The following PTPRO variants were observed in gnomAD, a reference collection of about 807,000 sequenced individuals.
PTPRO encodes the protein protein tyrosine phosphatase receptor type O, also known as receptor-type tyrosine-protein phosphatase O.
PTPRO carries 62 observed loss-of-function variants against 145.2 expected under a neutral mutation model. The ratio of observed to expected loss-of-function variants is 0.43; its 90% CI spans 0.35 to 0.53. PTPRO has a LOEUF of 0.53. Among genes scored for constraint, PTPRO ranks in the 20% least tolerant of loss-of-function variants. The probability of loss-of-function intolerance (pLI) is 0.01; values close to 1 mark genes in which losing one functional copy is unlikely to be tolerated. For synonymous variants in PTPRO, 565 were observed against 514.7 expected (o/e 1.10, Z -1.32); for missense variants, 1,345 against 1,482.7 (o/e 0.91, Z 1.53).
At chr12:15,516,710 T>C in intron 8 of PTPRO, 53 bp from the exon 9 acceptor site, 1 of 1,500,812 alleles carries the variant, frequency 6.7e-7, no homozygotes, top group Non-Finnish European at 9.3e-7. Context: ...AGGCCATTGC[T>C]AAGACATTCC....
At chr12:15,534,625 A>G (rs1369237857) in intron 12 of PTPRO, among the ~76,000 whole-genome samples, 2 of 152,204 alleles carry the variant, frequency 1.3e-5, no homozygotes, top group Non-Finnish European at 2.9e-5. Context: ...GGTCTGAATA[A>G]CAAGAAGAAC....
intron 1 of PTPRO, among the ~76,000 whole-genome samples, chr12:15,452,915 T>C (rs1056344093): frequency 6.6e-6 from 1 of 152,062 alleles, no homozygotes; most frequent in Non-Finnish European, 1.5e-5. Flanking sequence ...TGGAAAAAAA[T>C]CTCATTTATT....
At chr12:15,417,843 A>ATGC (rs1940025821) in intron 1 of PTPRO, among the ~76,000 whole-genome samples, 1 of 151,842 alleles carries the variant, frequency 6.6e-6, no homozygotes, top group East Asian at 1.9e-4. Flanking sequence ...TCCTTTATGC[A>ATGC]TGCACTCAAA....
At chr12:15,363,603 G>T (rs1215825097) in intron 1 of PTPRO, among the ~76,000 whole-genome samples, 2 of 151,898 alleles carry the variant, frequency 1.3e-5, no homozygotes, top group African/African-American at 4.8e-5. Flanking sequence ...AAGCACCAGA[G>T]AATTTAGAAG....
chr12:15,593,125 C>A (rs552379764), intron 25 of PTPRO, among the ~76,000 whole-genome samples: 5 of 152,280 alleles, frequency 3.3e-5, no homozygotes, highest in Admixed American at 2.6e-4. Context: ...GATTAGGTGT[C>A]CATGTGTGAT....
Position 15,501,613 on chromosome 12 carries a change from C to T in PTPRO, c.662-7C>T, listed in dbSNP as rs201166661. ...ATACTTGAAAATGAAAATTCTCTCTCTTACAGCCCCTTATCCACCTCAAAA... is the reference window on the plus strand; with the variant it reads ...ATACTTGAAAATGAAAATTCTCTCTTTTACAGCCCCTTATCCACCTCAAAA... On this transcript the variant is annotated splice_region_variant and splice_polypyrimidine_tract_variant and intron_variant, in intron 4 of 26. Coordinates refer to ENST00000281171, the MANE Select transcript of PTPRO (RefSeq NM_030667.3). The T allele has an allele frequency of 1.8e-5, 29 of 1,608,928 alleles. No homozygotes were observed. In the East Asian group the frequency reaches 6.2e-4, roughly 35 times the overall value.
Position 15,586,902 on chromosome 12 carries a change from C to G in PTPRO, c.3261C>G (p.Asp1087Glu). ...ACRHFRINYA[D>E]EMQDVMHFNY... ...TTTGGCTTTTTTCTCTAAAGGCTGA[C>G]GAGATGCAGGATGTGATGCATTTTA... The change falls in exon 24 of 27, where the codon GAC becomes GAG. Residue 1087 changes from aspartate (D) to glutamate (E), a missense_variant. Coordinates refer to ENST00000281171, the MANE Select transcript of PTPRO (RefSeq NM_030667.3). 1.2e-6 allele frequency: 2 copies of G among 1,613,904 alleles called. No individual in the cohort carries two copies. The highest frequency in any genetic ancestry group is 1.7e-6 in the Non-Finnish European group (2 of 1,179,948).
At position 15,528,439 on chromosome 12, in the gene PTPRO, G is replaced by A. The variant is rs1942889411; in HGVS notation, c.2164+2177G>A. Among the ~76,000 whole-genome samples the A allele has an allele frequency of 1.3e-5, 2 of 150,376 alleles. 1 individual carries two copies. The highest frequency in any genetic ancestry group is 4.2e-4 in the South Asian group (2 of 4,758). Reference sequence around the variant, plus strand: ...ACTCGGGAGGCTGAGGCAGGAGAATGATGTGAACTCAGGAGGTGGAGCTTG... The same window carrying A: ...ACTCGGGAGGCTGAGGCAGGAGAATAATGTGAACTCAGGAGGTGGAGCTTG... On this transcript the variant is annotated intron_variant, in intron 12 of 26. Transcript: ENST00000281171.
At chr12:15,526,347 AATAAT>A in intron 12 of PTPRO, 85 bp downstream of exon 12, 1 of 1,558,124 alleles carries the variant, frequency 6.4e-7, no homozygotes, top group Middle Eastern at 1.8e-4. Flanking sequence ...AATTCAATGA[AATAAT>A]AACAGAAAAA....
intron 12 of PTPRO, among the ~76,000 whole-genome samples, chr12:15,533,101 C>A (rs1942994908): frequency 6.6e-6 from 1 of 152,112 alleles, no homozygotes; most frequent in African/African-American, 2.4e-5. Flanking sequence ...CTACATAGGA[C>A]TGTGAGTTAA....
At chr12:15,499,695 G>A (rs1011991760) in intron 4 of PTPRO, 101 bp downstream of exon 4, 26 of 1,344,998 alleles carry the variant, frequency 1.9e-5, no homozygotes, top group Middle Eastern at 3.8e-4. Context: ...CCAGAGCAAA[G>A]AAAGAAAATA....
At chr12:15,388,287 C>A (rs1939086489) in intron 1 of PTPRO, among the ~76,000 whole-genome samples, 1 of 151,950 alleles carries the variant, frequency 6.6e-6, no homozygotes, top group African/African-American at 2.4e-5. Context: ...ATGTAAATTG[C>A]AGAATGATTA....
At chr12:15,567,824 G>A (rs1219552296) in intron 18 of PTPRO, among the ~76,000 whole-genome samples, 1 of 152,142 alleles carries the variant, frequency 6.6e-6, no homozygotes, top group Non-Finnish European at 1.5e-5. Context: ...TAGTAGACAT[G>A]TGATGTTGGG....
chr12:15,374,025 G>T (rs1255467788), intron 1 of PTPRO, among the ~76,000 whole-genome samples: 3 of 152,146 alleles, frequency 2.0e-5, no homozygotes, highest in African/African-American at 7.2e-5. Flanking sequence ...TTTAAGAAAA[G>T]GAATGAACAT....
chr12:15,470,228 G>A (rs1297981152), intron 1 of PTPRO, among the ~76,000 whole-genome samples: 2 of 152,168 alleles, frequency 1.3e-5, no homozygotes, highest in Non-Finnish European at 2.9e-5. Flanking sequence ...CTTACAGTCT[G>A]GGGACTGTAG....
At chr12:15,437,325 C>T (rs934621916) in intron 1 of PTPRO, among the ~76,000 whole-genome samples, 1 of 151,898 alleles carries the variant, frequency 6.6e-6, no homozygotes, top group Admixed American at 6.6e-5. Flanking sequence ...CCCTCATGTG[C>T]AGAGATCTTT....
rs988064459 is a variant in PTPRO at position 15,347,393 on chromosome 12, C to A, written c.75+24592C>A. ...AAGATTTCCCTGTATATTTATATTC[C>A]CAACCAGGCAATAAATATGATCTCC... On this transcript the variant is annotated intron_variant, in intron 1 of 26. Transcript: ENST00000281171. 5.3e-5 allele frequency among the ~76,000 whole-genome samples: 8 copies of A among 152,168 alleles called. No homozygotes were observed. The East Asian group carries it at 1.5e-3, about 29-fold the overall frequency.
intron 1 of PTPRO, among the ~76,000 whole-genome samples, chr12:15,375,835 A>C (rs1938670551): frequency 6.6e-6 from 1 of 152,188 alleles, no homozygotes; most frequent in African/African-American, 2.4e-5. Context: ...TTAAAGCATA[A>C]TAACTAAAAC....
At chr12:15,453,670 A>C (rs1941103821) in intron 1 of PTPRO, among the ~76,000 whole-genome samples, 2 of 152,222 alleles carry the variant, frequency 1.3e-5, no homozygotes, top group Admixed American at 1.3e-4. Flanking sequence ...ATTAAACAGC[A>C]GACCTCAAGA....
Sources: gnomAD v4.1 joint callset for allele counts (sites outside exome capture counted in the v4.1 genomes callset) on GRCh38, gnomAD v4.1.1 for gene constraint, MANE v1.5 for transcripts, NCBI Gene and HGNC (gene_info 2026-07-23, HGNC 2026-07-21) for gene names.